Variants in SFI1 observed in about 807,000 individuals in gnomAD.
The protein encoded by SFI1 is protein SFI1 homolog.
Under a neutral mutation model 207.5 loss-of-function variants are expected in SFI1, and 195 were observed. The ratio of observed to expected loss-of-function variants is 0.94; its 90% CI spans 0.84 to 1.06. The LOEUF is 1.06. SFI1 is among the 50% of genes least tolerant of loss of function. The pLI is 0.00. For missense variants in SFI1, 1,634 were observed against 1,588.0 expected (o/e 1.03, Z -0.49); for synonymous variants, 630 against 598.9 (o/e 1.05, Z -0.76).
intron 15 of SFI1, among the ~76,000 whole-genome samples, chr22:31,598,739 T>TTTTTTTTTTTTG (rs2067590115): frequency 7.7e-6 from 1 of 129,924 alleles, no homozygotes; most frequent in Non-Finnish European, 1.6e-5. Flanking sequence ...TTTTTTTTTT[T>TTTTTTTTTTTTG]GATGAGCAGA....
At chr22:31,582,323 C>T (rs2064434611) in intron 12 of SFI1, among the ~76,000 whole-genome samples, 1 of 133,250 alleles carries the variant, frequency 7.5e-6, no homozygotes, top group Non-Finnish European at 1.5e-5. Flanking sequence ...TTGATCTCGG[C>T]TCACTGCAAC....
chr22:31,602,839 G>C, intron 17 of SFI1, 54 bp downstream of exon 17: 1 of 1,576,008 alleles, frequency 6.3e-7, no homozygotes. Flanking sequence ...AGCTTTGCTT[G>C]TTCTAGCAGC....
intron 2 of SFI1, among the ~76,000 whole-genome samples, chr22:31,527,423 C>T (rs1331676801): frequency 6.6e-6 from 1 of 152,100 alleles, no homozygotes; most frequent in African/African-American, 2.4e-5. Context: ...CAGTAAACTT[C>T]GAATTGTTCT....
At chr22:31,601,128 C>CTTTTTTTTTTTTTTTTTT (rs11354377) in intron 15 of SFI1, among the ~76,000 whole-genome samples, 2 of 80,316 alleles carry the variant, frequency 2.5e-5, no homozygotes, top group South Asian at 5.0e-4. Flanking sequence ...CTTTTCTTTA[C>CTTTTTTTTTTTTTTTTTT]TTTTTTTTTT....
chr22:31,596,831 A>G (rs988344740), intron 15 of SFI1, among the ~76,000 whole-genome samples: 1 of 151,476 alleles, frequency 6.6e-6, no homozygotes, highest in East Asian at 1.9e-4. Context: ...ACGCACACAC[A>G]GTACCCGTTT....
intron 17 of SFI1, among the ~76,000 whole-genome samples, chr22:31,603,430 T>G (rs971467748): frequency 6.6e-6 from 1 of 152,166 alleles, no homozygotes; most frequent in Non-Finnish European, 1.5e-5. Context: ...TTGGGGCCTT[T>G]CAGTGTCCAC....
intron 15 of SFI1, among the ~76,000 whole-genome samples, chr22:31,594,010 G>GGCAGGGGC (rs1446565868): frequency 2.1e-5 from 3 of 145,756 alleles, no homozygotes; most frequent in Non-Finnish European, 4.6e-5. Context: ...GAGGGACAGG[G>GGCAGGGGC]AGAGGGAGAG....
chr22:31,593,867 C>T (rs1054681864), intron 15 of SFI1, among the ~76,000 whole-genome samples: 14 of 148,270 alleles, frequency 9.4e-5, no homozygotes, highest in South Asian at 2.2e-4. Context: ...TGCCTGCAAT[C>T]GCAGGCATTC....
chr22:31,499,183 TG>T, intron 1 of SFI1, among the ~76,000 whole-genome samples: 1 of 152,122 alleles, frequency 6.6e-6, no homozygotes, highest in African/African-American at 2.4e-5. Flanking sequence ...ATTTTTTTTT[TG>T]AGATGAGGGT....
At chr22:31,603,067 A>G (rs891149467) in intron 17 of SFI1, among the ~76,000 whole-genome samples, 1 of 152,206 alleles carries the variant, frequency 6.6e-6, no homozygotes, top group African/African-American at 2.4e-5. Context: ...AACCCTCTCT[A>G]TTAATAATAC....
intron 14 of SFI1, chr22:31,587,890 C>T (rs2146346371): frequency 6.6e-6 from 1 of 152,096 alleles, no homozygotes; most frequent in African/African-American, 2.4e-5. Context: ...AAAATAAAAC[C>T]ATTCATGACA....
At chr22:31,593,914 C>T (rs1180097217) in intron 15 of SFI1, among the ~76,000 whole-genome samples, 1 of 140,486 alleles carries the variant, frequency 7.1e-6, no homozygotes, top group South Asian at 2.5e-4. Context: ...AGGGAGGTTG[C>T]AGTGAGCCGA....
intron 2 of SFI1, among the ~76,000 whole-genome samples, chr22:31,520,929 G>C (rs1236973833): frequency 1.3e-5 from 2 of 150,454 alleles, no homozygotes; most frequent in Non-Finnish European, 3.0e-5. Flanking sequence ...ACGTGAGCCT[G>C]GGAGACTAAG....
chr22:31,607,983 G>A lies in SFI1; in HGVS notation c.2204G>A (p.Arg735Gln), dbSNP rs775566367. The A allele has an allele frequency of 1.7e-5, 28 of 1,613,920 alleles. No individual in the cohort carries two copies. Among genetic ancestry groups the A allele is most frequent in the Non-Finnish European group, 2.2e-5 (26 of 1,179,912 alleles). Reference protein sequence around the residue: ...REAVSVQMYYRQQEDCAIWEA... With the variant: ...REAVSVQMYYQQQEDCAIWEA... Reference sequence around the variant, plus strand: ...GCTGTGTCAGTGCAGATGTATTACCGACAGCAGGAGGACTGTGCCATCTGG... The same window carrying A: ...GCTGTGTCAGTGCAGATGTATTACCAACAGCAGGAGGACTGTGCCATCTGG... The change falls in exon 22 of 33, where the codon CGA becomes CAA. Residue 735 changes from arginine to glutamine, a missense_variant. Arg to Gln is a conservative substitution (Grantham distance 43, BLOSUM62 1). Transcript: ENST00000400288.
At position 31,598,789 on chromosome 22, in the gene SFI1, C is replaced by CTTTT. The variant is rs1203871840; in HGVS notation, c.1545-3404_1545-3401dup. Reference sequence around the variant, plus strand: ...GTTGGATTGATACAGTCCAGTTTATCTTTTTTTTTTTTTTTTTTTTTTGAG... The same window carrying CTTTT: ...GTTGGATTGATACAGTCCAGTTTATCTTTTTTTTTTTTTTTTTTTTTTTTTTGAG... On this transcript the variant is annotated intron_variant, in intron 15 of 32. Coordinates refer to ENST00000400288, the MANE Select transcript of SFI1 (RefSeq NM_001007467.3). Among the ~76,000 whole-genome samples the CTTTT allele has an allele frequency of 5.4e-4, 35 of 64,410 alleles. 3 individuals are homozygous for CTTTT. Among genetic ancestry groups the CTTTT allele is most frequent in the African/African-American group, 2.4e-3 (34 of 14,226 alleles). 42.3% of individuals were successfully genotyped at this position (64,410 alleles called of 152,430 possible). A position where few individuals can be genotyped will look rare whatever the true frequency, so the allele number is the denominator to read the frequency against.
intron 12 of SFI1, 81 bp from the exon 13 acceptor site, chr22:31,583,794 G>T: frequency 8.1e-7 from 1 of 1,235,102 alleles, no homozygotes; most frequent in Non-Finnish European, 1.2e-6. Context: ...CTTTGGGGGA[G>T]CTCACAGTCT....
At chr22:31,549,027 C>G (rs1227790798) in intron 5 of SFI1, among the ~76,000 whole-genome samples, 1 of 151,914 alleles carries the variant, frequency 6.6e-6, no homozygotes, top group Non-Finnish European at 1.5e-5. Flanking sequence ...GTAGCTCACA[C>G]CTGTAATCCT....
At chr22:31,517,432 G>C (rs2056679395) in intron 2 of SFI1, among the ~76,000 whole-genome samples, 1 of 152,088 alleles carries the variant, frequency 6.6e-6, no homozygotes. Context: ...ATTTTTTGTA[G>C]AGATGGGCTT....
intron 15 of SFI1, among the ~76,000 whole-genome samples, chr22:31,598,653 G>C (rs1429558612): frequency 7.8e-6 from 1 of 128,572 alleles, no homozygotes; most frequent in Admixed American, 8.3e-5. Context: ...TCCTGACCTC[G>C]TGATCCGCCC....
Sources: allele counts gnomAD v4.1 joint callset (sites outside exome capture counted in the v4.1 genomes callset), GRCh38; gene constraint gnomAD v4.1.1; transcripts MANE v1.5; gene names NCBI Gene and HGNC (gene_info 2026-07-23, HGNC 2026-07-21).